Variants in XRN1 observed in about 807,000 individuals in gnomAD.
The protein encoded by XRN1 is 5'-3' exoribonuclease 1, also known as strand-exchange protein 1 homolog.
XRN1 carries 67 observed loss-of-function variants against 222.3 expected under a neutral mutation model. That is an observed-to-expected ratio of 0.30 (90% CI 0.25 to 0.37). The LOEUF is 0.37. Ranked by LOEUF, XRN1 falls within the 10% of genes least tolerant of loss-of-function variation. XRN1 has a pLI of 1.00. For missense variants in XRN1, 1,707 were observed against 2,000.2 expected (o/e 0.85, Z 2.80); for synonymous variants, 643 against 652.4 (o/e 0.99, Z 0.22).
chr3:142,441,544 G>T (rs2070215359), intron 1 of XRN1, among the ~76,000 whole-genome samples: 1 of 152,220 alleles, frequency 6.6e-6, no homozygotes, highest in African/African-American at 2.4e-5. Context: ...CAAAGGGTTG[G>T]CTTCATTGTT....
chr3:142,411,571 A>G (rs2068582287), intron 15 of XRN1, among the ~76,000 whole-genome samples: 1 of 152,018 alleles, frequency 6.6e-6, no homozygotes, highest in Non-Finnish European at 1.5e-5. Context: ...TTGGCCTCCC[A>G]AAGTGTTGGG....
intron 37 of XRN1, among the ~76,000 whole-genome samples, chr3:142,321,433 CTGAA>C (rs1304574784): frequency 6.6e-6 from 1 of 152,118 alleles, no homozygotes; most frequent in African/African-American, 2.4e-5. Context: ...CCACTTCCAA[CTGAA>C]TGGTCTTGAC....
At chr3:142,343,396 G>C (rs766923173) in intron 33 of XRN1, among the ~76,000 whole-genome samples, 1 of 151,830 alleles carries the variant, frequency 6.6e-6, no homozygotes, top group Non-Finnish European at 1.5e-5. Context: ...GAAGATTTCA[G>C]TGAGCTGAGA....
rs747742395 is a variant in XRN1, at chr3:142,421,146, C to T, written c.1043G>A (p.Arg348Gln). The T allele has an allele frequency of 1.7e-5, 28 of 1,609,724 alleles. No homozygotes were observed. The East Asian group carries it at 4.7e-4, about 27-fold the overall frequency. ...CACAAAAACTTCACTGAAGTGCTCC[C>T]GATCAAACTGTACAGAAATATTTAA... ...KYLVKLSDFD[R>Q]EHFSEVFVDL... Residue 348 changes from arginine (R) to glutamine (Q), a missense_variant, in exon 10 of 41, where the codon CGG becomes CAG. Arg to Gln is a conservative substitution (Grantham distance 43, BLOSUM62 1). Coordinates refer to ENST00000392981, the MANE Select transcript of XRN1 (RefSeq NM_001282857.2).
chr3:142,310,636 A>G lies in XRN1; in HGVS notation c.*875T>C, dbSNP rs1432848529. The stretch of plus-strand genomic sequence containing the variant: ...ACCGACCAACTATGAAGCTCTCATA[A>G]AATGTCAGGTAAGCAAATAAAAAGC... On this transcript the variant is annotated 3_prime_UTR_variant, in exon 41 of 41. Coordinates refer to ENST00000392981, the MANE Select transcript of XRN1 (RefSeq NM_001282857.2). 2 of 152,632 alleles carry G rather than the reference A, an allele frequency of 1.3e-5. No individual in the cohort carries two copies. The highest frequency in any genetic ancestry group is 2.9e-5 in the Non-Finnish European group (2 of 68,022). The allele number at this position is 152,632 out of a possible 1,614,324, so 9.5% of individuals were successfully genotyped here.
At position 142,447,915 on chromosome 3, in the gene XRN1, G is replaced by A; in HGVS notation, c.30C>T (p.Ile10=). The change falls in exon 1 of 41, where the codon ATC becomes ATT. Residue 10 remains isoleucine (I), a synonymous_variant. Coordinates refer to ENST00000392981, the MANE Select transcript of XRN1 (RefSeq NM_001282857.2). This position sits in a 1 kb window ranked among gnomAD's most constrained non-coding sequence, Gnocchi z 4.2. The part of the protein sequence containing the change: MGVPKFYRW[I]SERYPCLSEV... The stretch of plus-strand genomic sequence containing the variant: ...CGCTGAGACAGGGATACCGCTCTGA[G>A]ATCCATCTGTAAAACTTGGGGACTC... 2 of 1,613,976 alleles carry A rather than the reference G, an allele frequency of 1.2e-6. No individual in the cohort carries two copies. Among genetic ancestry groups the A allele is most frequent in the South Asian group, 1.1e-5 (1 of 91,056 alleles).
At chr3:142,371,758 C>T (rs979894784) in intron 25 of XRN1, among the ~76,000 whole-genome samples, 9 of 152,162 alleles carry the variant, frequency 5.9e-5, no homozygotes, top group Admixed American at 6.5e-5. Flanking sequence ...CTTTTCGATA[C>T]ATATAGCAAA....
chr3:142,326,464 T>C (rs1373072745), intron 37 of XRN1, among the ~76,000 whole-genome samples: 1 of 152,154 alleles, frequency 6.6e-6, no homozygotes, highest in East Asian at 1.9e-4. Flanking sequence ...GATTGTTTGC[T>C]GTCAGTATAT....
intron 2 of XRN1, among the ~76,000 whole-genome samples, chr3:142,431,213 A>G (rs750233841): frequency 1.1e-4 from 16 of 152,250 alleles, no homozygotes; most frequent in Non-Finnish European, 2.2e-4. Context: ...AATGAGAAGT[A>G]TAAAAACTTG....
chr3:142,373,782 G>T (rs914616011), intron 25 of XRN1, among the ~76,000 whole-genome samples: 2 of 151,980 alleles, frequency 1.3e-5, no homozygotes, highest in Admixed American at 1.3e-4. Flanking sequence ...GAGGTCAGGG[G>T]TTTGAGACCA....
chr3:142,365,427 A>G, intron 27 of XRN1, 61 bp from the exon 28 acceptor site: 1 of 1,243,842 alleles, frequency 8.0e-7, no homozygotes, highest in Non-Finnish European at 1.1e-6. Flanking sequence ...ATCACTACCT[A>G]CTCACTACTT....
chr3:142,380,011 G>A (rs543632935), intron 23 of XRN1, 71 bp downstream of exon 23: 2 of 1,183,778 alleles, frequency 1.7e-6, no homozygotes, highest in East Asian at 5.1e-5. Context: ...TTCAAAGGAG[G>A]TGGCAAAAAT....
chr3:142,312,796 T>C (rs2065112809), intron 39 of XRN1, 38 bp from the exon 40 acceptor site: 1 of 1,573,268 alleles, frequency 6.4e-7, no homozygotes, highest in Non-Finnish European at 8.6e-7. Flanking sequence ...TTTAGTAAAA[T>C]GGTATCATCA....
At chr3:142,388,388 G>A (rs189756544) in intron 20 of XRN1, among the ~76,000 whole-genome samples, 1 of 152,292 alleles carries the variant, frequency 6.6e-6, no homozygotes, top group East Asian at 1.9e-4. Context: ...TTATCGGCAA[G>A]TCTTCTGATG....
chr3:142,428,389 T>C (rs1577424028), intron 2 of XRN1, among the ~76,000 whole-genome samples: 1 of 80,094 alleles, frequency 1.2e-5, no homozygotes, highest in Non-Finnish European at 2.1e-5. Context: ...AGAGCAAGAC[T>C]CTCCAAAAAA....
intron 2 of XRN1, among the ~76,000 whole-genome samples, chr3:142,431,683 G>A (rs2069533712): frequency 6.7e-6 from 1 of 149,268 alleles, no homozygotes; most frequent in South Asian, 2.1e-4. Context: ...TGGGTGTGGT[G>A]GCGGGCACCT....
intron 15 of XRN1, among the ~76,000 whole-genome samples, chr3:142,406,758 G>A (rs1233084283): frequency 6.6e-6 from 1 of 151,980 alleles, no homozygotes; most frequent in African/African-American, 2.4e-5. Flanking sequence ...GAACTCCTGG[G>A]CTCAGGCAAT....
chr3:142,354,527 A>G (rs779970986), intron 32 of XRN1, among the ~76,000 whole-genome samples: 2 of 152,190 alleles, frequency 1.3e-5, no homozygotes, highest in Non-Finnish European at 2.9e-5. Flanking sequence ...GACTCAATCT[A>G]AGTGCTTATC....
intron 29 of XRN1, among the ~76,000 whole-genome samples, chr3:142,364,108 G>A (rs1314874483): frequency 2.0e-5 from 3 of 152,204 alleles, no homozygotes; most frequent in African/African-American, 7.2e-5. Context: ...CTTATCAGGT[G>A]AGGAAATAAC....
Sources: gnomAD v4.1 joint callset for allele counts (sites outside exome capture counted in the v4.1 genomes callset) on GRCh38, gnomAD v4.1.1 for gene constraint, Gnocchi (gnomAD v3.1) non-coding constraint, MANE v1.5 for transcripts, NCBI Gene and HGNC (gene_info 2026-07-23, HGNC 2026-07-21) for gene names.